The following SHB variants were observed in gnomAD, a reference collection of about 807,000 sequenced individuals.
The protein encoded by SHB is SH2 domain-containing adapter protein B.
SHB carries 20 observed loss-of-function variants against 52.3 expected under a neutral mutation model. The observed-to-expected ratio is 0.38, with a 90% CI of 0.27 to 0.56. SHB has a LOEUF of 0.56. Among genes scored for constraint, SHB ranks in the 20% least tolerant of loss-of-function variants. SHB has a pLI of 0.71. For missense variants in SHB, 825 were observed against 723.3 expected (o/e 1.14, Z -1.61); for synonymous variants, 397 against 316.5 (o/e 1.25, Z -2.70).
rs1261423851 is a variant in SHB, at chr9:38,067,982, T to C, written c.664A>G (p.Asn222Asp). 5.8e-6 allele frequency: 9 copies of C among 1,551,744 alleles called. No homozygotes were observed. Among genetic ancestry groups the C allele is most frequent in the Admixed American group, 1.8e-5 (1 of 54,130 alleles). ...PTACGGKKLL[N>D]KCAASAAEES... The stretch of plus-strand genomic sequence containing the variant: ...TCCGCGGCTGAGGCGGCGCACTTGT[T>C]GAGCAGTTTCTTGCCTCCGCAGGCC... Residue 222 changes from asparagine (N) to aspartate (D), a missense_variant, in exon 1 of 6, where the codon AAC becomes GAC. By Grantham distance (23) the Asn-to-Asp change is conservative. Transcript: ENST00000377707.
chr9:37,947,621 C>T (rs1319261305), intron 5 of SHB, among the ~76,000 whole-genome samples: 1 of 152,202 alleles, frequency 6.6e-6, no homozygotes, highest in Non-Finnish European at 1.5e-5. Context: ...GGGCAAAGCC[C>T]AGAAGTTGTG....
intron 2 of SHB, among the ~76,000 whole-genome samples, chr9:38,006,392 T>C (rs1013196985): frequency 1.3e-5 from 2 of 152,342 alleles, no homozygotes; most frequent in South Asian, 2.1e-4. Flanking sequence ...TTCCACACCC[T>C]GCCCAGCACG....
chr9:37,994,771 G>A (rs1262815808), intron 2 of SHB, among the ~76,000 whole-genome samples: 1 of 152,144 alleles, frequency 6.6e-6, no homozygotes, highest in East Asian at 1.9e-4. Flanking sequence ...CCAGTCAATC[G>A]GTTTATGTCC....
chr9:38,025,289 C>T (rs1406210478), intron 1 of SHB, among the ~76,000 whole-genome samples: 3 of 152,166 alleles, frequency 2.0e-5, no homozygotes, highest in South Asian at 4.2e-4. Flanking sequence ...CCCCTCAACT[C>T]CTACTTGGCT....
chr9:37,933,572 C>A (rs1414799005), intron 5 of SHB, among the ~76,000 whole-genome samples: 1 of 152,182 alleles, frequency 6.6e-6, no homozygotes, highest in African/African-American at 2.4e-5. Flanking sequence ...AAGCCTGTGG[C>A]CCCCTGGATC....
chr9:37,994,064 T>C (rs1017733853), intron 2 of SHB, among the ~76,000 whole-genome samples: 5 of 152,226 alleles, frequency 3.3e-5, no homozygotes, highest in African/African-American at 1.2e-4. Context: ...AATGGAACCA[T>C]AGGCGGCTGA....
Position 38,068,136 on chromosome 9 carries a change from G to A in SHB, c.510C>T (p.Pro170=). 1 of 1,439,336 alleles carries A rather than the reference G, an allele frequency of 6.9e-7. No homozygotes were observed. The highest frequency in any genetic ancestry group is 9.0e-7 in the Non-Finnish European group (1 of 1,108,686). The allele number at this position is 1,439,336 out of a possible 1,614,324, so 89.2% of individuals were successfully genotyped here. The change falls in exon 1 of 6, where the codon CCC becomes CCT. Residue 170 remains proline, a synonymous_variant. Coordinates refer to ENST00000377707, the MANE Select transcript of SHB (RefSeq NM_003028.3). ...TGTAGCGCACCTCGGCCGGCGTGGC[G>A]GGCCGCCGCTCGCTGCTGCTGCGGT... The part of the protein sequence containing the change: ...HLYRSSSERR[P]ATPAEVRYIS...
At chr9:37,978,773 C>G (rs1381482467) in intron 2 of SHB, among the ~76,000 whole-genome samples, 1 of 152,178 alleles carries the variant, frequency 6.6e-6, no homozygotes, top group Non-Finnish European at 1.5e-5. Context: ...GGAAGGTAAA[C>G]AGCTACTGTG....
chr9:37,948,560 T>C, intron 5 of SHB, 75 bp downstream of exon 5: 6 of 1,576,580 alleles, frequency 3.8e-6, no homozygotes, highest in Non-Finnish European at 5.2e-6. Context: ...CGGGTTTTTC[T>C]GCCACAGACA....
In SHB at chr9:38,016,931, CACAG is replaced by C. The variant is rs543748481; in HGVS notation, c.718-804_718-801del. Among the ~76,000 whole-genome samples, 59 of 152,360 alleles carry C rather than the reference CACAG, an allele frequency of 3.9e-4. 1 individual carries two copies. Among genetic ancestry groups the C allele is most frequent in the Non-Finnish European group, 5.9e-5 (4 of 68,038 alleles). ...CTCCCCAGAGAAAAATTCTCCAACT[CACAG>C]ACAAAGAGTGAGTCACCTGGGGGTG... On this transcript the variant is annotated intron_variant, in intron 1 of 5. Transcript: ENST00000377707.
chr9:37,934,526 C>A (rs1832347060), intron 5 of SHB, among the ~76,000 whole-genome samples: 1 of 152,030 alleles, frequency 6.6e-6, no homozygotes, highest in Non-Finnish European at 1.5e-5. Context: ...GTATTGAACT[C>A]CTAGGCTCAA....
chr9:38,046,822 C>T (rs141304747), intron 1 of SHB, among the ~76,000 whole-genome samples: 397 of 152,342 alleles, frequency 2.6e-3, no homozygotes, highest in African/African-American at 8.4e-3. Context: ...AAAATCCCTT[C>T]GTCGCTTGTG....
At chr9:38,017,047 A>C (rs1430207649) in intron 1 of SHB, among the ~76,000 whole-genome samples, 4 of 152,212 alleles carry the variant, frequency 2.6e-5, no homozygotes, top group Non-Finnish European at 5.9e-5. Context: ...AAGAGTAAAA[A>C]TTCTCGATTG....
Position 38,068,464 on chromosome 9 carries a change from G to A in SHB, c.182C>T (p.Ser61Phe), listed in dbSNP as rs773626171. 1.1e-5 allele frequency: 17 copies of A among 1,520,792 alleles called. No individual in the cohort carries two copies. The highest frequency in any genetic ancestry group is 4.4e-6 in the Non-Finnish European group (5 of 1,139,498). 94.2% of individuals were successfully genotyped at this position (1,520,792 alleles called of 1,614,324 possible). ...ASASCGPATA[S>F]CFSASSGSLP... Reference sequence around the variant, plus strand: ...CGAGCCCGAAGAGGCTGAGAAGCAGGAGGCGGTGGCCGGACCGCAGGACGC... The same window carrying A: ...CGAGCCCGAAGAGGCTGAGAAGCAGAAGGCGGTGGCCGGACCGCAGGACGC... The change falls in exon 1 of 6, where the codon TCC becomes TTC. Residue 61 changes from serine to phenylalanine, a missense_variant. Ser to Phe is a radical substitution (Grantham distance 155, BLOSUM62 -2). Coordinates refer to ENST00000377707, the MANE Select transcript of SHB (RefSeq NM_003028.3).
rs1564102306 is a variant in SHB, at chr9:38,015,617, C to T, written c.838+394G>A. ...TACTAAGCAACGAAAGCCAGGTGACCCAGCCTGCTTCCCTTTTTGCCCTGC... is the reference window on the plus strand; with the variant it reads ...TACTAAGCAACGAAAGCCAGGTGACTCAGCCTGCTTCCCTTTTTGCCCTGC... On this transcript the variant is annotated intron_variant, in intron 2 of 5. Transcript: ENST00000377707. 31 of 603,024 alleles carry T rather than the reference C, an allele frequency of 5.1e-5. No individual in the cohort carries two copies. The South Asian group carries it at 5.8e-4, about 11-fold the overall frequency. 37.4% of individuals were successfully genotyped at this position (603,024 alleles called of 1,614,324 possible).
chr9:38,048,512 T>C (rs1821689193), intron 1 of SHB, among the ~76,000 whole-genome samples: 1 of 152,152 alleles, frequency 6.6e-6, no homozygotes. Context: ...TGAGTGCCTG[T>C]AGTCCCAGCT....
intron 5 of SHB, among the ~76,000 whole-genome samples, chr9:37,939,322 G>A (rs1485659127): frequency 1.3e-5 from 2 of 152,210 alleles, no homozygotes; most frequent in African/African-American, 4.8e-5. Flanking sequence ...TCCAGGAGCT[G>A]GGCAGGCTCA....
At chr9:37,995,777 T>C (rs1366113537) in intron 2 of SHB, among the ~76,000 whole-genome samples, 1 of 152,162 alleles carries the variant, frequency 6.6e-6, no homozygotes, top group East Asian at 1.9e-4. Context: ...TGCTGGCTGA[T>C]TCCCATCATT....
intron 1 of SHB, among the ~76,000 whole-genome samples, chr9:38,052,210 C>T (rs568200556): frequency 6.6e-6 from 1 of 152,178 alleles, no homozygotes; most frequent in Non-Finnish European, 1.5e-5. Context: ...CAGCCCCCTC[C>T]CCATCTCCTT....
Sources: gnomAD v4.1 joint callset for allele counts (sites outside exome capture counted in the v4.1 genomes callset) on GRCh38, gnomAD v4.1.1 for gene constraint, MANE v1.5 for transcripts, NCBI Gene and HGNC (gene_info 2026-07-23, HGNC 2026-07-21) for gene names.